AFG2A: variants seen among roughly 807,000 people sequenced by gnomAD.
AFG2A encodes the protein ATPase family gene 2 protein homolog A.
the AFG2A span, among the ~76,000 whole-genome samples, chr4:123,212,804 C>T: frequency 1.9e-4 from 29 of 152,136 alleles, no homozygotes; most frequent in Non-Finnish European, 4.3e-4. Flanking sequence ...TCAAACTGCA[C>T]TTTCACTGTG....
At chr4:123,203,081 CT>C in the AFG2A span, among the ~76,000 whole-genome samples, 195 of 152,182 alleles carry the variant, frequency 1.3e-3, no homozygotes, top group African/African-American at 4.1e-3. Context: ...GAGTATTAAC[CT>C]TCCAAGATTG....
the AFG2A span, among the ~76,000 whole-genome samples, chr4:123,137,960 A>G: frequency 2.0e-5 from 3 of 152,168 alleles, no homozygotes; most frequent in African/African-American, 7.2e-5. Context: ...ACAATGATCT[A>G]GGTCAAGAAG....
At chr4:123,312,127 C>G in the AFG2A span, among the ~76,000 whole-genome samples, 1 of 152,202 alleles carries the variant, frequency 6.6e-6, no homozygotes, top group African/African-American at 2.4e-5. Flanking sequence ...TTAGCAAGAT[C>G]ACTGCACTGT....
At chr4:122,985,301 G>A in the AFG2A span, among the ~76,000 whole-genome samples, 4 of 151,850 alleles carry the variant, frequency 2.6e-5, no homozygotes, top group African/African-American at 7.3e-5. Context: ...GGCTAATTTC[G>A]TATTTTTAGT....
chr4:123,259,873 T>C, the AFG2A span: 2 of 152,240 alleles, frequency 1.3e-5, no homozygotes, highest in Non-Finnish European at 2.9e-5. Context: ...CAGAATTTGC[T>C]GACATAGGCC....
the AFG2A span, among the ~76,000 whole-genome samples, chr4:123,167,685 A>G: frequency 6.6e-6 from 1 of 152,180 alleles, no homozygotes; most frequent in Non-Finnish European, 1.5e-5. Flanking sequence ...GAATAAATGT[A>G]TTGTAAAGAA....
chr4:123,137,078 C>T, the AFG2A span, among the ~76,000 whole-genome samples: 1 of 152,160 alleles, frequency 6.6e-6, no homozygotes, highest in Non-Finnish European at 1.5e-5. Flanking sequence ...ACGCACAATT[C>T]ACAGTAGGGT....
chr4:123,186,244 GTT>G, the AFG2A span, among the ~76,000 whole-genome samples: 4 of 152,196 alleles, frequency 2.6e-5, no homozygotes, highest in Non-Finnish European at 5.9e-5. Context: ...TCATTTATGT[GTT>G]TCTGTTTTCG....
chr4:123,085,109 A>C, the AFG2A span, among the ~76,000 whole-genome samples: 8 of 151,684 alleles, frequency 5.3e-5, no homozygotes, highest in East Asian at 1.6e-3. Context: ...AAATTTGTTC[A>C]TGTGTGTTTT....
chr4:122,991,892 A>G, the AFG2A span, among the ~76,000 whole-genome samples: 2 of 152,206 alleles, frequency 1.3e-5, no homozygotes, highest in Non-Finnish European at 2.9e-5. Context: ...ATGTTATAAA[A>G]CCTTGGCTGA....
chr4:122,993,753 A>G, the AFG2A span, among the ~76,000 whole-genome samples: 4 of 152,022 alleles, frequency 2.6e-5, no homozygotes, highest in Admixed American at 1.3e-4. Flanking sequence ...ACTTTTGGAA[A>G]GATCTTTATT....
the AFG2A span, among the ~76,000 whole-genome samples, chr4:123,238,255 C>A: frequency 1.3e-5 from 2 of 152,206 alleles, no homozygotes; most frequent in Admixed American, 6.5e-5. Flanking sequence ...CAGGGCATAG[C>A]TGAACAAAAG....
At chr4:123,011,854 GCC>G in the AFG2A span, among the ~76,000 whole-genome samples, 1 of 151,476 alleles carries the variant, frequency 6.6e-6, no homozygotes, top group Non-Finnish European at 1.5e-5. Context: ...GGGGGTGCTT[GCC>G]CCCCTGGAAA....
the AFG2A span, among the ~76,000 whole-genome samples, chr4:122,937,699 G>A: frequency 2.0e-5 from 3 of 152,144 alleles, no homozygotes; most frequent in Non-Finnish European, 4.4e-5. Flanking sequence ...TGGGAGAATT[G>A]ATCATCTTGC....
the AFG2A span, among the ~76,000 whole-genome samples, chr4:123,116,901 A>G: frequency 5.9e-5 from 9 of 152,286 alleles, no homozygotes; most frequent in South Asian, 1.9e-3. Context: ...TCTACTTTGT[A>G]GGTGTTGGTG....
chr4:123,234,518 A>T, the AFG2A span, among the ~76,000 whole-genome samples: 2 of 152,112 alleles, frequency 1.3e-5, no homozygotes, highest in African/African-American at 4.8e-5. Context: ...CCACTTAATC[A>T]TGTATGACTC....
chr4:123,003,339 T>C, the AFG2A span, among the ~76,000 whole-genome samples: 1 of 152,258 alleles, frequency 6.6e-6, no homozygotes, highest in African/African-American at 2.4e-5. Context: ...TTTGTTCTGT[T>C]GCTGGTGAGG....
chr4:123,284,474 G>A, the AFG2A span, among the ~76,000 whole-genome samples: 1 of 152,182 alleles, frequency 6.6e-6, no homozygotes, highest in Non-Finnish European at 1.5e-5. Context: ...ATAGAAGTCA[G>A]TATTTTTCAT....
chr4:123,034,955 T>C, the AFG2A span, among the ~76,000 whole-genome samples: 5 of 152,288 alleles, frequency 3.3e-5, no homozygotes, highest in Admixed American at 1.3e-4. Context: ...ATTGTGGATT[T>C]CATGGGTGAG....
Sources: gnomAD v4.1 joint callset for allele counts (sites outside exome capture counted in the v4.1 genomes callset) on GRCh38, gnomAD v4.1.1 for gene constraint, MANE v1.5 for transcripts, NCBI Gene and HGNC (gene_info 2026-07-23, HGNC 2026-07-21) for gene names.